Variants in KIAA1217 observed in about 807,000 individuals in gnomAD.
The protein encoded by KIAA1217 is KIAA1217, also known as sickle tail protein homolog.
Under a neutral mutation model 163.9 loss-of-function variants are expected in KIAA1217, and 88 were observed. The observed-to-expected ratio is 0.54, with a 90% CI of 0.45 to 0.64. The LOEUF (loss-of-function observed/expected upper bound fraction) is 0.64, where lower values mean the gene tolerates loss of function less well. KIAA1217 is among the 30% of genes least tolerant of loss of function. KIAA1217 has a pLI of 0.00. For synonymous variants in KIAA1217, 903 were observed against 923.1 expected (o/e 0.98, Z 0.39); for missense variants, 2,372 against 2,475.0 (o/e 0.96, Z 0.88).
intron 6 of KIAA1217, among the ~76,000 whole-genome samples, chr10:24,483,559 A>C (rs1306657194): frequency 6.6e-6 from 1 of 152,170 alleles, no homozygotes; most frequent in Non-Finnish European, 1.5e-5. Flanking sequence ...CTTTTCCCTA[A>C]GAGTCATTAT....
At chr10:23,869,704 G>A (rs1273179991) in intron 1 of KIAA1217, among the ~76,000 whole-genome samples, 2 of 152,110 alleles carry the variant, frequency 1.3e-5, no homozygotes, top group African/African-American at 2.4e-5. Context: ...AAGAAAGAGA[G>A]TGAGTTATGG....
chr10:23,910,104 A>G (rs1327767090), intron 1 of KIAA1217, among the ~76,000 whole-genome samples: 2 of 152,020 alleles, frequency 1.3e-5, no homozygotes, highest in Non-Finnish European at 2.9e-5. Context: ...AACAATGAGA[A>G]CACGTGGACA....
intron 1 of KIAA1217, among the ~76,000 whole-genome samples, chr10:23,943,338 ATATT>A (rs1172638266): frequency 6.6e-6 from 1 of 152,234 alleles, no homozygotes; most frequent in East Asian, 1.9e-4. Flanking sequence ...GATCAATTGT[ATATT>A]TATACAGTAG....
chr10:24,353,643 G>A (rs2048729208), intron 2 of KIAA1217, among the ~76,000 whole-genome samples: 1 of 152,144 alleles, frequency 6.6e-6, no homozygotes, highest in African/African-American at 2.4e-5. Context: ...CTCTCTTGAT[G>A]TGACTCAGTT....
intron 1 of KIAA1217, among the ~76,000 whole-genome samples, chr10:23,749,939 TTTTC>T (rs1205098613): frequency 2.0e-5 from 3 of 152,180 alleles, no homozygotes; most frequent in African/African-American, 7.2e-5. Flanking sequence ...TCTCCACAAA[TTTTC>T]TTTGTCTCCT....
rs572666454 is a variant in KIAA1217, at chr10:23,855,980, T to G, written c.-320-151245T>G. Among the ~76,000 whole-genome samples, 9 of 152,324 alleles carry G rather than the reference T, an allele frequency of 5.9e-5. No individual in the cohort carries two copies. In the South Asian group the frequency reaches 1.7e-3, roughly 28 times the overall value. On this transcript the variant is annotated intron_variant, in intron 1 of 18. Coordinates refer to the KIAA1217 transcript ENST00000376462. ...AATTTTCTCCTGTAGCTCGGAGTAG[T>G]TTGATCGTCTGAAGCATTCTTCTCT...
chr10:24,381,225 G>A (rs959135916), intron 3 of KIAA1217, among the ~76,000 whole-genome samples, 158 bp downstream of exon 3: 2 of 152,206 alleles, frequency 1.3e-5, no homozygotes, highest in Admixed American at 1.3e-4. Context: ...AAGCATTGAG[G>A]ATTTGCCTGC....
chr10:23,777,944 T>A (rs1179424813), intron 1 of KIAA1217, among the ~76,000 whole-genome samples: 1 of 152,026 alleles, frequency 6.6e-6, no homozygotes, highest in East Asian at 1.9e-4. Flanking sequence ...TTTTTTCTTT[T>A]TTTCTTTTTC....
intron 1 of KIAA1217, among the ~76,000 whole-genome samples, chr10:23,827,841 G>A (rs1046271803): frequency 6.6e-6 from 1 of 152,180 alleles, no homozygotes; most frequent in Admixed American, 6.6e-5. Context: ...CAAATGAAGA[G>A]GGCTGTTGGT....
chr10:24,201,591 GC>G (rs1419389289), intron 2 of KIAA1217, among the ~76,000 whole-genome samples: 1 of 152,058 alleles, frequency 6.6e-6, no homozygotes, highest in Non-Finnish European at 1.5e-5. Context: ...CCTCCTGCAT[GC>G]CAGCACCCCC....
intron 2 of KIAA1217, among the ~76,000 whole-genome samples, chr10:24,007,774 G>C (rs1231253145): frequency 6.6e-6 from 1 of 151,964 alleles, no homozygotes; most frequent in African/African-American, 2.4e-5. Context: ...CCTGATGACT[G>C]CCTGTGTCTA....
intron 1 of KIAA1217, among the ~76,000 whole-genome samples, chr10:23,788,009 C>A (rs1360537516): frequency 6.6e-6 from 1 of 151,948 alleles, no homozygotes; most frequent in African/African-American, 2.4e-5. Context: ...GCTTGGGCAA[C>A]AAAGCGACAC....
In KIAA1217 at chr10:23,790,256, C is replaced by T. The variant is rs200001814; in HGVS notation, c.-321+95022C>T. Reference sequence around the variant, plus strand: ...ATATGCATATGCACATATGCATATGCACATATGCATATGCACATATGCATA... The same window carrying T: ...ATATGCATATGCACATATGCATATGTACATATGCATATGCACATATGCATA... On this transcript the variant is annotated intron_variant, in intron 1 of 18. Coordinates refer to the KIAA1217 transcript ENST00000376462. 2.0e-3 allele frequency among the ~76,000 whole-genome samples: 58 copies of T among 29,492 alleles called. 27 individuals are homozygous for T. The highest frequency in any genetic ancestry group is 8.1e-3 in the South Asian group (4 of 492). The allele number at this position is 29,492 out of a possible 152,430, so 19.3% of individuals were successfully genotyped here.
chr10:24,360,318 G>A (rs1174939215), intron 2 of KIAA1217, among the ~76,000 whole-genome samples: 1 of 152,038 alleles, frequency 6.6e-6, no homozygotes, highest in Admixed American at 6.6e-5. Context: ...AAAGTGCTGG[G>A]ATCCTGTCAC....
At chr10:23,812,195 A>G (rs534608108) in intron 1 of KIAA1217, among the ~76,000 whole-genome samples, 5 of 152,356 alleles carry the variant, frequency 3.3e-5, no homozygotes, top group East Asian at 3.9e-4. Flanking sequence ...AGACACTTAT[A>G]TTAAGTGATG....
chr10:24,470,248 T>C (rs1434523654), intron 5 of KIAA1217, among the ~76,000 whole-genome samples: 3 of 152,194 alleles, frequency 2.0e-5, no homozygotes, highest in Non-Finnish European at 4.4e-5. Flanking sequence ...GAGGTATTTA[T>C]AGAGGATCCG....
At chr10:24,016,244 C>T (rs1438681347) in intron 2 of KIAA1217, among the ~76,000 whole-genome samples, 3 of 152,048 alleles carry the variant, frequency 2.0e-5, no homozygotes, top group Non-Finnish European at 2.9e-5. Context: ...TGTTATCTTC[C>T]TGTTTAAAGA....
intron 3 of KIAA1217, among the ~76,000 whole-genome samples, chr10:24,390,455 A>G: frequency 7.6e-6 from 1 of 130,790 alleles, no homozygotes; most frequent in Non-Finnish European, 1.6e-5. Flanking sequence ...GTATGGGGGA[A>G]AAAAGGAGGG....
At chr10:23,972,262 G>A (rs1204730669) in intron 1 of KIAA1217, among the ~76,000 whole-genome samples, 3 of 152,162 alleles carry the variant, frequency 2.0e-5, no homozygotes, top group African/African-American at 7.2e-5. Flanking sequence ...CCATTACTGG[G>A]TATATACGCA....
Sources: allele counts gnomAD v4.1 joint callset (sites outside exome capture counted in the v4.1 genomes callset), GRCh38; gene constraint gnomAD v4.1.1; transcripts MANE v1.5; gene names NCBI Gene and HGNC (gene_info 2026-07-23, HGNC 2026-07-21).